CNTN1: variants seen among roughly 807,000 people sequenced by gnomAD.
CNTN1 encodes the protein contactin 1, also known as contactin-1.
CNTN1 carries 38 observed loss-of-function variants against 126.4 expected under a neutral mutation model. The ratio of observed to expected loss-of-function variants is 0.30; its 90% CI spans 0.23 to 0.39. The LOEUF (loss-of-function observed/expected upper bound fraction) is 0.39, where lower values mean the gene tolerates loss of function less well. Ranked by LOEUF, CNTN1 falls within the 10% of genes least tolerant of loss-of-function variation. The pLI is 1.00. For missense variants in CNTN1, 1,009 were observed against 1,248.4 expected, an observed-to-expected ratio of 0.81 and a Z score of 2.89; for synonymous variants, 413 against 422.6, an observed-to-expected ratio of 0.98 and a Z score of 0.28.
intron 1 of CNTN1, among the ~76,000 whole-genome samples, chr12:40,859,447 A>G (rs911001781): frequency 6.6e-6 from 1 of 152,178 alleles, no homozygotes; most frequent in South Asian, 2.1e-4. Flanking sequence ...AACCTATCTG[A>G]TCTTTTTATC....
intron 3 of CNTN1, among the ~76,000 whole-genome samples, chr12:40,915,573 A>G (rs1268129063): frequency 1.3e-5 from 2 of 152,264 alleles, no homozygotes; most frequent in African/African-American, 4.8e-5. Flanking sequence ...AATGAGACTG[A>G]TATTTAGTTT....
At chr12:40,974,578 A>G (rs1242505379) in intron 15 of CNTN1, among the ~76,000 whole-genome samples, 1 of 152,190 alleles carries the variant, frequency 6.6e-6, no homozygotes, top group Non-Finnish European at 1.5e-5. Context: ...CGGAAACCTA[A>G]TAACATTTTT....
At chr12:40,727,326 C>T (rs1221445331) in intron 1 of CNTN1, among the ~76,000 whole-genome samples, 1 of 151,338 alleles carries the variant, frequency 6.6e-6, no homozygotes, top group Non-Finnish European at 1.5e-5. Context: ...AGAAGAATGT[C>T]AGGCAAATAT....
chr12:40,836,896 T>TA, intron 1 of CNTN1, among the ~76,000 whole-genome samples: 1 of 152,328 alleles, frequency 6.6e-6, no homozygotes, highest in East Asian at 1.9e-4. Context: ...AGTTGGATGT[T>TA]ACGCTATTAC....
chr12:40,916,642 T>C (rs1592251943), intron 3 of CNTN1, among the ~76,000 whole-genome samples: 1 of 152,208 alleles, frequency 6.6e-6, no homozygotes, highest in South Asian at 2.1e-4. Flanking sequence ...AAGAAGGATA[T>C]GGAACTAGAG....
intron 1 of CNTN1, among the ~76,000 whole-genome samples, chr12:40,882,429 A>G (rs148197122): frequency 6.6e-6 from 1 of 151,914 alleles, no homozygotes; most frequent in Admixed American, 6.6e-5. Context: ...AAGTCATTCC[A>G]GTATGAAAAT....
At chr12:40,935,868 G>C (rs1946063038) in intron 9 of CNTN1, among the ~76,000 whole-genome samples, 2 of 151,874 alleles carry the variant, frequency 1.3e-5, no homozygotes, top group Admixed American at 1.3e-4. Context: ...ATGTTTTCTA[G>C]TTTTTAAATT....
intron 1 of CNTN1, among the ~76,000 whole-genome samples, chr12:40,797,327 T>A (rs1940475660): frequency 6.6e-6 from 1 of 152,094 alleles, no homozygotes. Flanking sequence ...GGGAATATGA[T>A]CTGGGAGTTT....
chr12:40,835,372 A>C (rs1186193537), intron 1 of CNTN1, among the ~76,000 whole-genome samples: 1 of 152,210 alleles, frequency 6.6e-6, no homozygotes, highest in Non-Finnish European at 1.5e-5. Flanking sequence ...TTGGCTTAAT[A>C]GGACCATTCT....
intron 2 of CNTN1, among the ~76,000 whole-genome samples, chr12:40,909,196 G>C (rs1944941077): frequency 6.6e-6 from 1 of 151,900 alleles, no homozygotes; most frequent in African/African-American, 2.4e-5. Flanking sequence ...ACAATTTTGA[G>C]AGTACATTCA....
intron 1 of CNTN1, among the ~76,000 whole-genome samples, chr12:40,843,214 A>C (rs1942358744): frequency 6.6e-6 from 1 of 152,166 alleles, no homozygotes; most frequent in Admixed American, 6.5e-5. Flanking sequence ...TTTTTGTGAT[A>C]GTTTTTACAA....
chr12:40,866,562 G>T (rs1024487071), intron 1 of CNTN1, among the ~76,000 whole-genome samples: 2 of 152,016 alleles, frequency 1.3e-5, no homozygotes, highest in Non-Finnish European at 1.5e-5. Context: ...TCTATGCAGG[G>T]TGATCATATG....
chr12:40,724,632 C>T (rs923698727), intron 1 of CNTN1, among the ~76,000 whole-genome samples: 6 of 152,064 alleles, frequency 3.9e-5, no homozygotes, highest in African/African-American at 7.2e-5. Context: ...GACTGTCCTC[C>T]GTGATCATGA....
At chr12:40,910,551 C>T (rs1392288800) in intron 3 of CNTN1, among the ~76,000 whole-genome samples, 7 of 152,114 alleles carry the variant, frequency 4.6e-5, no homozygotes, top group Admixed American at 4.6e-4. Context: ...AATAATCCTT[C>T]CAGTTTAGAG....
At chr12:40,798,996 T>C (rs1940547806) in intron 1 of CNTN1, among the ~76,000 whole-genome samples, 1 of 86,036 alleles carries the variant, frequency 1.2e-5, no homozygotes, top group Admixed American at 1.3e-4. Flanking sequence ...TATGTATATA[T>C]GTATATACAT....
chr12:40,841,871 C>T (rs1942297593), intron 1 of CNTN1, among the ~76,000 whole-genome samples: 1 of 152,010 alleles, frequency 6.6e-6, no homozygotes, highest in Non-Finnish European at 1.5e-5. Context: ...TAGAAGAAGA[C>T]AAGGATGCCA....
chr12:41,011,432 A>C (rs1948650590), intron 17 of CNTN1, among the ~76,000 whole-genome samples: 1 of 152,182 alleles, frequency 6.6e-6, no homozygotes, highest in African/African-American at 2.4e-5. Flanking sequence ...AAAGAGAAGG[A>C]AAAAAAGGCA....
intron 1 of CNTN1, among the ~76,000 whole-genome samples, chr12:40,702,833 G>C (rs1591988824): frequency 6.6e-6 from 1 of 152,132 alleles, no homozygotes; most frequent in African/African-American, 2.4e-5. Flanking sequence ...ATTCTTTTCA[G>C]CACTTGCATA....
At chr12:40,919,278 A>C (rs1301806336) in intron 4 of CNTN1, among the ~76,000 whole-genome samples, 1 of 152,186 alleles carries the variant, frequency 6.6e-6, no homozygotes, top group Admixed American at 6.6e-5. Flanking sequence ...AAATGTCTCT[A>C]CCTATAGGAA....
Sources: allele counts gnomAD v4.1 joint callset (sites outside exome capture counted in the v4.1 genomes callset), GRCh38; gene constraint gnomAD v4.1.1; transcripts MANE v1.5; gene names NCBI Gene and HGNC (gene_info 2026-07-23, HGNC 2026-07-21).